The following GRB2 variants were observed in gnomAD, a reference collection of about 807,000 sequenced individuals.
GRB2 encodes growth factor receptor bound protein 2, also known as growth factor receptor-bound protein 2.
In GRB2, 2 loss-of-function variants were observed where a neutral mutation model predicts 27.4. That is an observed-to-expected ratio of 0.07 (90% confidence interval 0.03 to 0.23). GRB2 has a LOEUF of 0.23. Ranked by LOEUF, GRB2 falls within the 10% of genes least tolerant of loss-of-function variation. The probability of loss-of-function intolerance (pLI) is 1.00; values close to 1 mark genes in which losing one functional copy is unlikely to be tolerated. For missense variants in GRB2, 102 were observed against 282.4 expected, an observed-to-expected ratio of 0.36 and a Z score of 4.58; for synonymous variants, 94 against 99.6, an observed-to-expected ratio of 0.94 and a Z score of 0.33.
At chr17:75,364,314 GAGTT>G (rs1308817683) in intron 2 of GRB2, among the ~76,000 whole-genome samples, 1 of 152,122 alleles carries the variant, frequency 6.6e-6, no homozygotes, top group Admixed American at 6.5e-5. Flanking sequence ...TTTGAGAAAT[GAGTT>G]AGTCTCTCCT....
At chr17:75,360,186 T>C (rs2078770208) in intron 2 of GRB2, among the ~76,000 whole-genome samples, 1 of 53,598 alleles carries the variant, frequency 1.9e-5, no homozygotes, top group Non-Finnish European at 5.9e-5. Context: ...GGAAATGTGA[T>C]TATGATTTTT....
chr17:75,368,521 C>A (rs7225542), intron 2 of GRB2, among the ~76,000 whole-genome samples: 12,671 of 149,854 alleles, frequency 0.085, 655 homozygotes, highest in Non-Finnish European at 0.11. Flanking sequence ...CTGCGTCAGG[C>A]GTTTGTTTTT....
At chr17:75,393,236 C>A (rs559752211) in intron 2 of GRB2, among the ~76,000 whole-genome samples, 24 of 152,276 alleles carry the variant, frequency 1.6e-4, no homozygotes, top group Admixed American at 1.3e-3. Flanking sequence ...AAATAAAACT[C>A]TACAGGGCAA....
At chr17:75,367,379 GT>G (rs1442680465) in intron 2 of GRB2, among the ~76,000 whole-genome samples, 2 of 152,222 alleles carry the variant, frequency 1.3e-5, no homozygotes, top group African/African-American at 4.8e-5. Context: ...GTTTTGCTGT[GT>G]TGCTCAGGCT....
intron 2 of GRB2, among the ~76,000 whole-genome samples, chr17:75,383,289 T>C (rs895727676): frequency 2.6e-5 from 4 of 152,148 alleles, no homozygotes; most frequent in African/African-American, 9.7e-5. Flanking sequence ...ATCTATTTGC[T>C]ATAGATGTGT....
chr17:75,330,709 A>AAC (rs533319906), intron 3 of GRB2, among the ~76,000 whole-genome samples: 136 of 147,370 alleles, frequency 9.2e-4, no homozygotes, highest in Middle Eastern at 3.4e-3. Context: ...ACAAAAAACA[A>AAC]AAAAAAAAAA....
intron 3 of GRB2, among the ~76,000 whole-genome samples, chr17:75,331,651 A>G (rs1343941073): frequency 6.6e-6 from 1 of 152,220 alleles, no homozygotes; most frequent in Non-Finnish European, 1.5e-5. Context: ...TTCTGCCCAA[A>G]TCTGCCCACA....
At chr17:75,328,046 G>A (rs891562933) in intron 3 of GRB2, among the ~76,000 whole-genome samples, 7 of 152,204 alleles carry the variant, frequency 4.6e-5, no homozygotes, top group Non-Finnish European at 1.0e-4. Context: ...GGACAGGCTG[G>A]GCCCGGTACC....
intron 2 of GRB2, chr17:75,387,832 A>T (rs1108355): frequency 0.64 from 97,126 of 151,860 alleles, 37,213 homozygotes; most frequent in East Asian, 0.91. Context: ...AAACCCAACA[A>T]CTTAGAAGCA....
At chr17:75,368,453 T>C (rs2078834497) in intron 2 of GRB2, among the ~76,000 whole-genome samples, 1 of 151,830 alleles carries the variant, frequency 6.6e-6, no homozygotes, top group African/African-American at 2.4e-5. Context: ...CTCAAACTCT[T>C]GACCTCGTGA....
chr17:75,356,638 CAGCTTCCA>C (rs1311125236), intron 2 of GRB2, among the ~76,000 whole-genome samples: 3 of 152,278 alleles, frequency 2.0e-5, no homozygotes, highest in African/African-American at 7.2e-5. Context: ...CTCTCTGAAC[CAGCTTCCA>C]AGCACGATTC....
intron 2 of GRB2, among the ~76,000 whole-genome samples, chr17:75,340,978 T>C (rs1048361685): frequency 1.3e-5 from 2 of 152,156 alleles, no homozygotes; most frequent in South Asian, 2.1e-4. Context: ...TTCTCACATA[T>C]GCCGAGCAGA....
intron 3 of GRB2, 140 bp downstream of exon 3, chr17:75,332,560 C>T (rs1443237735): frequency 6.6e-6 from 4 of 610,092 alleles, no homozygotes; most frequent in Admixed American, 6.6e-5. Context: ...TATTAACATG[C>T]ACAATCAATA....
intron 2 of GRB2, among the ~76,000 whole-genome samples, chr17:75,381,067 C>T (rs995403901): frequency 5.9e-5 from 9 of 152,140 alleles, no homozygotes; most frequent in East Asian, 1.9e-4. Flanking sequence ...CTTGAGATTA[C>T]GAACTAAATT....
chr17:75,347,992 A>C (rs1348024921), intron 2 of GRB2, among the ~76,000 whole-genome samples: 1 of 152,218 alleles, frequency 6.6e-6, no homozygotes, highest in Non-Finnish European at 1.5e-5. Flanking sequence ...TCTACCAACT[A>C]CTTGGAAGAA....
chr17:75,389,380 G>A (rs2078984550), intron 2 of GRB2, among the ~76,000 whole-genome samples: 1 of 152,044 alleles, frequency 6.6e-6, no homozygotes, highest in Non-Finnish European at 1.5e-5. Context: ...CTTCCTGAAC[G>A]ACTCTAGCAG....
At chr17:75,337,553 T>C (rs2078585964) in intron 2 of GRB2, among the ~76,000 whole-genome samples, 1 of 148,974 alleles carries the variant, frequency 6.7e-6, no homozygotes, top group Admixed American at 6.9e-5. Context: ...CAAATAATTT[T>C]TATTTTATTA....
At chr17:75,397,442 TAAGA>T (rs2079035496) in intron 1 of GRB2, among the ~76,000 whole-genome samples, 1 of 152,352 alleles carries the variant, frequency 6.6e-6, no homozygotes, top group East Asian at 1.9e-4. Flanking sequence ...CAGTGAATTT[TAAGA>T]AAGGTAAGTA....
chr17:75,400,888 C>T (rs1045519211), intron 1 of GRB2, among the ~76,000 whole-genome samples: 1 of 152,064 alleles, frequency 6.6e-6, no homozygotes, highest in African/African-American at 2.4e-5. Flanking sequence ...GTGCAACATA[C>T]ACATATACAC....
Sources: allele counts gnomAD v4.1 joint callset (sites outside exome capture counted in the v4.1 genomes callset), GRCh38; gene constraint gnomAD v4.1.1; transcripts MANE v1.5; gene names NCBI Gene and HGNC (gene_info 2026-07-23, HGNC 2026-07-21).